The following CDYL variants were observed in gnomAD, a reference collection of about 807,000 sequenced individuals.
CDYL encodes the protein chromodomain Y like.
A neutral mutation model predicts 47.3 loss-of-function variants in CDYL; 8 were observed. The observed-to-expected ratio is 0.17, with a 90% CI of 0.10 to 0.31. CDYL has a LOEUF of 0.31. Ranked by LOEUF, CDYL falls within the 10% of genes least tolerant of loss-of-function variation. The pLI is 1.00. For synonymous variants in CDYL, 266 were observed against 265.0 expected, an observed-to-expected ratio of 1.00 and a Z score of -0.04; for missense variants, 471 against 701.4, an observed-to-expected ratio of 0.67 and a Z score of 3.71.
At chr6:4,707,535 G>A (rs1157608400) in intron 1 of CDYL, among the ~76,000 whole-genome samples, 1 of 152,188 alleles carries the variant, frequency 6.6e-6, no homozygotes, top group African/African-American at 2.4e-5. Flanking sequence ...GCCTCCCAAA[G>A]TGCTGGGATT....
At chr6:4,874,061 A>G (rs1761547489) in intron 1 of CDYL, among the ~76,000 whole-genome samples, 1 of 152,158 alleles carries the variant, frequency 6.6e-6, no homozygotes, top group Non-Finnish European at 1.5e-5. Context: ...GTTGCCCTCT[A>G]AAATTCTTCC....
Position 4,943,568 on chromosome 6 carries a change from C to G in CDYL, c.1144C>G (p.Gln382Glu), listed in dbSNP as rs765987450. 1 of 1,605,578 alleles carries G rather than the reference C, an allele frequency of 6.2e-7. No individual in the cohort carries two copies. The highest frequency in any genetic ancestry group is 2.2e-5 in the East Asian group (1 of 44,658). Residue 382 changes from glutamine to glutamate, a missense_variant, in exon 5 of 7, where the codon CAA becomes GAA. Gln to Glu is a conservative substitution (Grantham distance 29). Transcript: ENST00000397588. The stretch of plus-strand genomic sequence containing the variant: ...TAGAAACTTCGTGAATACTTTCATT[C>G]AATTTAAGAAGCCCATTATTGTAGC... The part of the protein sequence containing the change: ...AIRNFVNTFI[Q>E]FKKPIIVAVN...
Position 4,723,141 on chromosome 6 carries a change from A to G in CDYL, c.103+7260A>G, listed in dbSNP as rs570397340. On this transcript the variant is annotated intron_variant, in intron 2 of 8. Coordinates refer to the CDYL transcript ENST00000328908. ...GTAAAACTGCAGTAAAAGTAATACA[A>G]CAATATAAATAATACAAATTTAAAA... Among the ~76,000 whole-genome samples, 13 of 152,330 alleles carry G rather than the reference A, an allele frequency of 8.5e-5. 1 individual carries two copies. The South Asian group carries it at 2.7e-3, about 32-fold the overall frequency.
upstream of CDYL, among the ~76,000 whole-genome samples, chr6:4,775,578 G>A (rs924597134): frequency 2.7e-4 from 41 of 152,140 alleles, no homozygotes; most frequent in African/African-American, 9.1e-4. The surrounding 1 kb of genome is among the most constrained non-coding windows in gnomAD (Gnocchi z 7.0). Context: ...GAGGAACCCA[G>A]AGGCCTGGCG....
chr6:4,751,640 C>T (rs1757995585), intron 3 of CDYL, among the ~76,000 whole-genome samples: 1 of 152,184 alleles, frequency 6.6e-6, no homozygotes, highest in Non-Finnish European at 1.5e-5. Context: ...ATACATCCCC[C>T]ATTCAGGGGT....
At chr6:4,732,262 G>A (rs1757618548) in intron 2 of CDYL, among the ~76,000 whole-genome samples, 1 of 152,076 alleles carries the variant, frequency 6.6e-6, no homozygotes, top group Non-Finnish European at 1.5e-5. Context: ...TTGAGCCCCA[G>A]AGATTGCAAA....
intron 1 of CDYL, among the ~76,000 whole-genome samples, chr6:4,843,212 A>C (rs1328616325): frequency 1.3e-5 from 2 of 152,148 alleles, no homozygotes; most frequent in African/African-American, 4.8e-5. Context: ...TTTCCTTTAT[A>C]GGTTACCTGG....
At chr6:4,870,282 G>A (rs1315497842) in intron 1 of CDYL, among the ~76,000 whole-genome samples, 1 of 152,146 alleles carries the variant, frequency 6.6e-6, no homozygotes, top group African/African-American at 2.4e-5. Context: ...GCTAAATATA[G>A]AATTATTGAT....
At chr6:4,814,157 T>C (rs759980090) in intron 1 of CDYL, among the ~76,000 whole-genome samples, 34 of 152,192 alleles carry the variant, frequency 2.2e-4, no homozygotes, top group Non-Finnish European at 3.7e-4. Context: ...CATTTCCACA[T>C]TGAGTTAAAA....
intron 2 of CDYL, chr6:4,724,868 A>C (rs961022249): frequency 1.2e-4 from 19 of 152,196 alleles, no homozygotes; most frequent in African/African-American, 4.3e-4. Flanking sequence ...CCGTGGAAAA[A>C]GACCACAGCA....
At chr6:4,909,178 A>G (rs1200173104) in intron 2 of CDYL, among the ~76,000 whole-genome samples, 1 of 152,206 alleles carries the variant, frequency 6.6e-6, no homozygotes, top group Non-Finnish European at 1.5e-5. Flanking sequence ...AAGGAGAAGC[A>G]AGTGTGTTGG....
intron 1 of CDYL, among the ~76,000 whole-genome samples, chr6:4,794,897 T>C (rs1188908483): frequency 6.6e-6 from 1 of 152,192 alleles, no homozygotes; most frequent in African/African-American, 2.4e-5. Flanking sequence ...GTCTTTGTAT[T>C]TGAAAAACTG....
At chr6:4,887,778 A>C (rs970529861) in intron 1 of CDYL, among the ~76,000 whole-genome samples, 1 of 151,966 alleles carries the variant, frequency 6.6e-6, no homozygotes, top group African/African-American at 2.4e-5. Flanking sequence ...TCTTAGGGGG[A>C]AGCTTTTAGT....
chr6:4,910,201 C>T (rs1032580648), intron 2 of CDYL, among the ~76,000 whole-genome samples: 5 of 152,056 alleles, frequency 3.3e-5, no homozygotes, highest in East Asian at 3.9e-4. Context: ...AGCTAAGCTG[C>T]GGGAAGTTAG....
Position 4,776,647 on chromosome 6 carries a change from TC to T in CDYL, c.-135del. The T allele has an allele frequency of 1.5e-6, 1 of 687,696 alleles. No homozygotes were observed. Among genetic ancestry groups the T allele is most frequent in the Non-Finnish European group, 2.0e-6 (1 of 498,632 alleles). 42.6% of individuals were successfully genotyped at this position (687,696 alleles called of 1,614,324 possible). On this transcript the variant is annotated 5_prime_UTR_variant, in exon 1 of 7. Transcript: ENST00000397588. ...CTGGCCGCGGAGTGCAAGAGGCTCG[TC>T]CGTGCCCAGCGCCCGGCCGGCCGCG...
chr6:4,828,119 C>A (rs1234814191), intron 1 of CDYL, among the ~76,000 whole-genome samples: 3 of 152,006 alleles, frequency 2.0e-5, no homozygotes, highest in South Asian at 2.1e-4. Context: ...TGAAGCATTT[C>A]TTTCAGGGAA....
chr6:4,930,412 T>C lies in CDYL; in HGVS notation c.692-5103T>C, dbSNP rs143762564. On this transcript the variant is annotated intron_variant, in intron 2 of 6. Coordinates refer to ENST00000397588, the MANE Select transcript of CDYL (RefSeq NM_004824.4). ...CCAAGTCATCTGTTCTAAGACAGCA[T>C]TTTTGCCAGCTATGTCTGGGTTTCC... Among the ~76,000 whole-genome samples the C allele has an allele frequency of 2.8e-3, 431 of 152,292 alleles. 2 individuals carry two copies. Among genetic ancestry groups the C allele is most frequent in the African/African-American group, 7.7e-3 (320 of 41,564 alleles).
intron 3 of CDYL, among the ~76,000 whole-genome samples, chr6:4,742,245 G>A (rs1757810507): frequency 1.3e-5 from 2 of 151,800 alleles, no homozygotes; most frequent in African/African-American, 4.8e-5. Context: ...GTGTGTGCCT[G>A]TAGTCCCAGC....
chr6:4,896,057 T>C (rs1379741942), intron 2 of CDYL, among the ~76,000 whole-genome samples: 1 of 152,214 alleles, frequency 6.6e-6, no homozygotes, highest in African/African-American at 2.4e-5. Context: ...GCCTGGGCGC[T>C]GGTCAGATCA....
Sources: gnomAD v4.1 joint callset for allele counts (sites outside exome capture counted in the v4.1 genomes callset) on GRCh38, gnomAD v4.1.1 for gene constraint, Gnocchi (gnomAD v3.1) non-coding constraint, MANE v1.5 for transcripts, NCBI Gene and HGNC (gene_info 2026-07-23, HGNC 2026-07-21) for gene names.